The following MYO16 variants were observed in gnomAD, a reference collection of about 807,000 sequenced individuals.
The protein encoded by MYO16 is myosin XVI.
Under a neutral mutation model 205.3 loss-of-function variants are expected in MYO16, and 94 were observed. The ratio of observed to expected loss-of-function variants is 0.46; its 90% confidence interval spans 0.39 to 0.54. The LOEUF (loss-of-function observed/expected upper bound fraction) is 0.54, where lower values mean the gene tolerates loss of function less well. Ranked by LOEUF, MYO16 falls within the 20% of genes least tolerant of loss-of-function variation. MYO16 has a pLI of 0.00. For synonymous variants in MYO16, 988 were observed against 954.0 expected, an observed-to-expected ratio of 1.04 and a Z score of -0.66; for missense variants, 2,315 against 2,387.5, an observed-to-expected ratio of 0.97 and a Z score of 0.63.
At chr13:108,496,209 G>C in the MYO16 span, among the ~76,000 whole-genome samples, 367 of 152,136 alleles carry the variant, frequency 2.4e-3, no homozygotes, top group Middle Eastern at 0.014. Context: ...GTAAGCCGAG[G>C]CTGGGAGTAG....
At chr13:108,645,253 A>G (rs1005140823) in intron 1 of MYO16, among the ~76,000 whole-genome samples, 1 of 152,230 alleles carries the variant, frequency 6.6e-6, no homozygotes, top group Non-Finnish European at 1.5e-5. Context: ...TGCTACTTAC[A>G]ATAGTATTTG....
intron 3 of MYO16, among the ~76,000 whole-genome samples, chr13:108,718,994 A>G (rs887222336): frequency 3.9e-5 from 6 of 152,072 alleles, no homozygotes; most frequent in Non-Finnish European, 7.4e-5. Context: ...TGAGTTTTCC[A>G]TTTTTTAGGA....
At chr13:108,971,296 A>G (rs372317869) in intron 20 of MYO16, among the ~76,000 whole-genome samples, 1 of 151,226 alleles carries the variant, frequency 6.6e-6, no homozygotes, top group African/African-American at 2.4e-5. Flanking sequence ...AAACATCAAA[A>G]CCTATCATTT....
At chr13:108,994,277 G>A (rs1884932059) in intron 21 of MYO16, among the ~76,000 whole-genome samples, 1 of 151,332 alleles carries the variant, frequency 6.6e-6, no homozygotes, top group African/African-American at 2.4e-5. Context: ...AAAATCTCAA[G>A]AACAATTCTG....
At chr13:109,012,100 C>T (rs188161348) in intron 22 of MYO16, among the ~76,000 whole-genome samples, 278 of 152,188 alleles carry the variant, frequency 1.8e-3, no homozygotes, top group Non-Finnish European at 2.9e-3. Flanking sequence ...TCATAAATTA[C>T]CTTATTGTGA....
intron 4 of MYO16, among the ~76,000 whole-genome samples, chr13:108,762,702 CA>C (rs748434910): frequency 1.1e-4 from 17 of 152,136 alleles, no homozygotes; most frequent in Non-Finnish European, 2.2e-4. Flanking sequence ...AAGAAAACCT[CA>C]AAAAATGCAA....
chr13:108,925,544 C>A (rs943120764), intron 16 of MYO16, among the ~76,000 whole-genome samples: 1 of 152,144 alleles, frequency 6.6e-6, no homozygotes, highest in Non-Finnish European at 1.5e-5. Flanking sequence ...AACATTTTGA[C>A]TTTCTCACCT....
intron 13 of MYO16, 94 bp downstream of exon 13, chr13:108,883,280 C>T: frequency 6.9e-7 from 1 of 1,449,074 alleles, no homozygotes; most frequent in Non-Finnish European, 9.3e-7. Context: ...CCTTTATTTA[C>T]TTTCTCAGCA....
intron 19 of MYO16, among the ~76,000 whole-genome samples, chr13:108,963,575 T>C (rs1361254326): frequency 6.6e-6 from 1 of 152,192 alleles, no homozygotes; most frequent in East Asian, 1.9e-4. Context: ...CCTTCCACAC[T>C]ACTTCTGAAA....
chr13:108,697,553 A>T (rs1005223976), intron 2 of MYO16, among the ~76,000 whole-genome samples: 2 of 152,258 alleles, frequency 1.3e-5, no homozygotes, highest in Non-Finnish European at 2.9e-5. Flanking sequence ...AAAACTGCAT[A>T]GAAGTTCTGA....
At chr13:109,159,381 A>G (rs989189425) in intron 32 of MYO16, among the ~76,000 whole-genome samples, 1 of 152,242 alleles carries the variant, frequency 6.6e-6, no homozygotes, top group Non-Finnish European at 1.5e-5. Context: ...TTTGCATAAA[A>G]TTTTCATTTA....
the MYO16 span, among the ~76,000 whole-genome samples, chr13:108,564,314 G>T: frequency 6.6e-6 from 1 of 151,892 alleles, no homozygotes; most frequent in Non-Finnish European, 1.5e-5. Flanking sequence ...GGGATTAAAG[G>T]CGTCCGCCAC....
intron 2 of MYO16, among the ~76,000 whole-genome samples, chr13:108,683,875 T>G (rs1002018315): frequency 6.6e-6 from 1 of 152,172 alleles, no homozygotes; most frequent in African/African-American, 2.4e-5. Flanking sequence ...GAGTAAGATG[T>G]GTTGCCTTCT....
At chr13:109,080,938 CCATT>C (rs1034449551) in intron 27 of MYO16, among the ~76,000 whole-genome samples, 1 of 152,034 alleles carries the variant, frequency 6.6e-6, no homozygotes, top group African/African-American at 2.4e-5. Context: ...TGTGCTCTTA[CCATT>C]CAATTTCAGT....
At chr13:109,033,225 T>A (rs1886600368) in intron 23 of MYO16, among the ~76,000 whole-genome samples, 1 of 152,236 alleles carries the variant, frequency 6.6e-6, no homozygotes, top group East Asian at 1.9e-4. Context: ...GTCTCTCTGT[T>A]CTGTAGCCTG....
chr13:108,970,736 C>T lies in MYO16; in HGVS notation c.2369+5834C>T, dbSNP rs574631167. Among the ~76,000 whole-genome samples the T allele has an allele frequency of 4.3e-4, 66 of 152,314 alleles. 1 individual carries two copies. Among genetic ancestry groups the T allele is most frequent in the African/African-American group, 1.3e-3 (54 of 41,558 alleles). ...ATTCCTTTCCCTGCAATCCTCAAGA[C>T]GTGTGAAATGCATGTGTGTGTGCTG... On this transcript the variant is annotated intron_variant, in intron 20 of 34. Coordinates refer to ENST00000457511, the MANE Select transcript of MYO16 (RefSeq NM_001198950.3).
chr13:108,872,586 A>G (rs1879122139), intron 12 of MYO16, among the ~76,000 whole-genome samples: 1 of 151,768 alleles, frequency 6.6e-6, no homozygotes. Flanking sequence ...ATAGTTTATT[A>G]AAACTGAAAA....
At chr13:108,746,229 A>G (rs1408601697) in intron 4 of MYO16, among the ~76,000 whole-genome samples, 1 of 152,076 alleles carries the variant, frequency 6.6e-6, no homozygotes, top group Non-Finnish European at 1.5e-5. Context: ...AAAATAAAAA[A>G]TAAAATAAAA....
intron 4 of MYO16, among the ~76,000 whole-genome samples, chr13:108,733,284 G>A (rs1201323359): frequency 2.0e-5 from 3 of 152,154 alleles, no homozygotes; most frequent in Non-Finnish European, 4.4e-5. Context: ...CTTTTATGCA[G>A]CCCTCCCTAT....
Sources: allele counts gnomAD v4.1 joint callset (sites outside exome capture counted in the v4.1 genomes callset), GRCh38; gene constraint gnomAD v4.1.1; transcripts MANE v1.5; gene names NCBI Gene and HGNC (gene_info 2026-07-23, HGNC 2026-07-21).